The following TIMP2 variants were observed in gnomAD, a reference collection of about 807,000 sequenced individuals.
TIMP2 encodes TIMP metallopeptidase inhibitor 2.
In TIMP2, 5 loss-of-function variants were observed where a neutral mutation model predicts 24.3. The ratio of observed to expected loss-of-function variants is 0.21; its 90% CI spans 0.11 to 0.43. TIMP2 has a LOEUF of 0.43. TIMP2 is among the 20% of genes least tolerant of loss of function. The pLI is 1.00. For synonymous variants in TIMP2, 130 were observed against 123.2 expected (o/e 1.06, Z -0.37); for missense variants, 221 against 297.5 (o/e 0.74, Z 1.89).
At chr17:78,906,843 A>T (rs1247220262) in intron 1 of TIMP2, among the ~76,000 whole-genome samples, 1 of 151,198 alleles carries the variant, frequency 6.6e-6, no homozygotes, top group Non-Finnish European at 1.5e-5. Context: ...TCAGCCTCCC[A>T]AAGTGCTGGG....
At chr17:78,901,575 G>C (rs2070093703) in intron 1 of TIMP2, among the ~76,000 whole-genome samples, 1 of 152,142 alleles carries the variant, frequency 6.6e-6, no homozygotes, top group African/African-American at 2.4e-5. Flanking sequence ...GGTGGGGCAA[G>C]GGTGTTTGCA....
intron 1 of TIMP2, among the ~76,000 whole-genome samples, chr17:78,888,836 C>T (rs1301705620): frequency 6.6e-6 from 1 of 152,142 alleles, no homozygotes; most frequent in East Asian, 1.9e-4. Context: ...GTGATGGGCT[C>T]ATGGTACTTC....
At position 78,894,063 on chromosome 17, in the gene TIMP2, T is replaced by G. The variant is rs374406664; in HGVS notation, c.131-20144A>C. On this transcript the variant is annotated intron_variant, in intron 1 of 4. Coordinates refer to ENST00000262768, the MANE Select transcript of TIMP2 (RefSeq NM_003255.5). ...AAACGTAGTTGCAGCTGAAGTCACATGTAGTTGCAGGAGTCAGAAAATACT... is the reference window on the plus strand; with the variant it reads ...AAACGTAGTTGCAGCTGAAGTCACAGGTAGTTGCAGGAGTCAGAAAATACT... 9.2e-5 allele frequency among the ~76,000 whole-genome samples: 14 copies of G among 152,336 alleles called. 3 individuals carry two copies. The highest frequency in any genetic ancestry group is 3.9e-4 in the East Asian group (2 of 5,192).
At chr17:78,892,446 G>T in intron 1 of TIMP2, 2 of 1,548,524 alleles carry the variant, frequency 1.3e-6, no homozygotes, top group Non-Finnish European at 8.7e-7. Context: ...AAGCCACAAC[G>T]TTCCACAGCA....
intron 3 of TIMP2, among the ~76,000 whole-genome samples, chr17:78,865,305 A>G (rs995699916): frequency 1.3e-5 from 2 of 152,146 alleles, no homozygotes; most frequent in African/African-American, 4.8e-5. Flanking sequence ...AGAAATAGAT[A>G]GTGATAGTTA....
rs535169513 is a variant in TIMP2, at chr17:78,887,109, CA to C, written c.131-13191del. ...TGATTAAAGAACCCAAAAGCAAAAA[CA>C]AAAGAGTCTTGTGGGATGCTACTCC... On this transcript the variant is annotated intron_variant, in intron 1 of 4. Transcript: ENST00000262768. Among the ~76,000 whole-genome samples, 18 of 152,302 alleles carry C rather than the reference CA, an allele frequency of 1.2e-4. No individual in the cohort carries two copies. The South Asian group carries it at 3.5e-3, about 30-fold the overall frequency.
chr17:78,877,864 C>T (rs1031084383), intron 1 of TIMP2, among the ~76,000 whole-genome samples: 23 of 151,988 alleles, frequency 1.5e-4, no homozygotes, highest in East Asian at 5.9e-4. Flanking sequence ...CCACCATGCC[C>T]GGCTAATTTT....
chr17:78,881,567 G>A (rs1419750950), intron 1 of TIMP2, among the ~76,000 whole-genome samples: 7 of 152,274 alleles, frequency 4.6e-5, no homozygotes, highest in African/African-American at 9.6e-5. Context: ...ACTGCAGGCC[G>A]GAGCCGCAGA....
At position 78,857,551 on chromosome 17, in the gene TIMP2, G is replaced by A. The variant is rs2069533631; in HGVS notation, c.436C>T (p.His146Tyr). 6.2e-7 allele frequency: 1 copy of A among 1,614,194 alleles called. No homozygotes were observed. Among genetic ancestry groups the A allele is most frequent in the Non-Finnish European group, 8.5e-7 (1 of 1,180,028 alleles). ...LSTTQKKSLN[H>Y]RYQMGCECKI... ...CACTCGCAGCCCATCTGGTACCTGT[G>A]GTTCAGGCTCTTCTTCTGGGTGGTG... The change falls in exon 4 of 5, where the codon CAC becomes TAC. Residue 146 changes from histidine (H) to tyrosine (Y), a missense_variant. By Grantham distance (83) the His-to-Tyr change is moderately conservative. Coordinates refer to ENST00000262768, the MANE Select transcript of TIMP2 (RefSeq NM_003255.5).
intron 1 of TIMP2, chr17:78,904,157 C>T (rs1048865072): frequency 2.5e-5 from 3 of 121,816 alleles, no homozygotes; most frequent in Non-Finnish European, 5.2e-5. Flanking sequence ...GTCTTGAACT[C>T]CTGACCTCAA....
In TIMP2 at chr17:78,858,797, T is replaced by C. The variant is rs533389083; in HGVS notation, c.341-1151A>G. ...ACTTTGGCCTCCCAAAGTGTTAGGA[T>C]TATAGGCATGAGCCACCACGCCTGG... On this transcript the variant is annotated intron_variant, in intron 3 of 4. Transcript: ENST00000262768. 2.6e-5 allele frequency among the ~76,000 whole-genome samples: 4 copies of C among 152,286 alleles called. No homozygotes were observed. In the East Asian group the frequency reaches 5.8e-4, roughly 22 times the overall value.
At chr17:78,919,835 A>AG (rs201608366) in intron 1 of TIMP2, among the ~76,000 whole-genome samples, 67 of 132,674 alleles carry the variant, frequency 5.0e-4, no homozygotes, top group African/African-American at 2.2e-3. Flanking sequence ...CTCCATCTCG[A>AG]AAAAAAAGAA....
intron 3 of TIMP2, among the ~76,000 whole-genome samples, chr17:78,859,631 C>T (rs1426985422): frequency 6.6e-6 from 1 of 151,556 alleles, no homozygotes; most frequent in East Asian, 1.9e-4. Flanking sequence ...AACTGCACTC[C>T]AGCCTGGGCG....
chr17:78,889,845 C>T (rs1479586887), intron 1 of TIMP2, among the ~76,000 whole-genome samples: 2 of 152,182 alleles, frequency 1.3e-5, no homozygotes, highest in African/African-American at 2.4e-5. Context: ...CTAGGCCAGG[C>T]GCGGTGGCTC....
intron 1 of TIMP2, among the ~76,000 whole-genome samples, chr17:78,885,460 C>T (rs976166795): frequency 6.6e-6 from 1 of 152,214 alleles, no homozygotes; most frequent in Non-Finnish European, 1.5e-5. Flanking sequence ...GAGCCCCACA[C>T]CCTTCCGGGT....
rs114781502 is a variant in TIMP2 at position 78,867,590 on chromosome 17, C to A, written c.340+3308G>T. Among the ~76,000 whole-genome samples the A allele has an allele frequency of 7.5e-3, 1,096 of 146,326 alleles. 20 individuals are homozygous for A. Among genetic ancestry groups the A allele is most frequent in the African/African-American group, 0.027 (1,043 of 38,224 alleles). ...TGTGAGAGTCTCTCTTCCTTTTGTA[C>A]CTTCTTTTTTTTTTTTTTTTTTTGA... is the stretch of plus-strand genomic sequence containing the variant. On this transcript the variant is annotated intron_variant, in intron 3 of 4. Transcript: ENST00000262768.
chr17:78,891,471 A>G lies in TIMP2; in HGVS notation c.131-17552T>C, dbSNP rs1329339389. ...CTGTTTATATTAAACAACTCTTCAA[A>G]GGCCAACTCCAGCTCTTTCTGCCAC... On this transcript the variant is annotated intron_variant, in intron 1 of 4. Transcript: ENST00000262768. The surrounding 1 kb of genome is among the most constrained non-coding windows in gnomAD (Gnocchi z 4.5). 5 of 1,550,992 alleles carry G rather than the reference A, an allele frequency of 3.2e-6. No homozygotes were observed. The highest frequency in any genetic ancestry group is 2.0e-5 in the Admixed American group (1 of 50,976).
Position 78,912,830 on chromosome 17 carries a change from G to A in TIMP2, c.130+12129C>T, listed in dbSNP as rs574938799. ...GAGGCCCATACAGTCCTTGATCACCGCCATTCAACTCTGTTGTTATAGCAC... is the reference window on the plus strand; with the variant it reads ...GAGGCCCATACAGTCCTTGATCACCACCATTCAACTCTGTTGTTATAGCAC... On this transcript the variant is annotated intron_variant, in intron 1 of 4. Coordinates refer to ENST00000262768, the MANE Select transcript of TIMP2 (RefSeq NM_003255.5). 1.1e-3 allele frequency among the ~76,000 whole-genome samples: 164 copies of A among 152,262 alleles called. 1 individual carries two copies. The highest frequency in any genetic ancestry group is 2.9e-3 in the African/African-American group (120 of 41,564).
At chr17:78,908,127 A>G (rs2070177405) in intron 1 of TIMP2, among the ~76,000 whole-genome samples, 1 of 152,110 alleles carries the variant, frequency 6.6e-6, no homozygotes. Flanking sequence ...AAAGCGAGAC[A>G]CTGTCTCAAA....
Sources: allele counts gnomAD v4.1 joint callset (sites outside exome capture counted in the v4.1 genomes callset), GRCh38; gene constraint gnomAD v4.1.1; non-coding constraint Gnocchi (gnomAD v3.1); transcripts MANE v1.5; gene names NCBI Gene and HGNC (gene_info 2026-07-23, HGNC 2026-07-21).